The following ZMYM2 variants were observed in gnomAD, a reference collection of about 807,000 sequenced individuals.
The protein encoded by ZMYM2 is zinc finger MYM-type protein 2.
ZMYM2 carries 56 observed loss-of-function variants against 162.8 expected under a neutral mutation model. The ratio of observed to expected loss-of-function variants is 0.34; its 90% CI spans 0.28 to 0.43. ZMYM2 has a LOEUF of 0.43. Ranked by LOEUF, ZMYM2 falls within the 20% of genes least tolerant of loss-of-function variation. The pLI is 1.00. For missense variants in ZMYM2, 1,275 were observed against 1,621.8 expected (o/e 0.79, Z 3.67); for synonymous variants, 510 against 541.6 (o/e 0.94, Z 0.81).
Position 19,993,465 on chromosome 13 carries a change from A to G in ZMYM2, c.393A>G (p.Gln131=). The G allele has an allele frequency of 6.2e-7, 1 of 1,614,132 alleles. No homozygotes were observed. The highest frequency in any genetic ancestry group is 8.5e-7 in the Non-Finnish European group (1 of 1,179,984). ...DEEDMETNQG[Q]EKNSSNFIER... ...AGGACATGGAAACAAATCAAGGGCA[A>G]GAGAAAAATTCCTCCAATTTTATTG... The change falls in exon 3 of 25, where the codon CAA becomes CAG. Residue 131 remains glutamine, a synonymous_variant. Coordinates refer to ENST00000610343, the MANE Select transcript of ZMYM2 (RefSeq NM_197968.4).
At chr13:20,008,031 CTACAA>C (rs545661556) in intron 6 of ZMYM2, among the ~76,000 whole-genome samples, 9 of 152,096 alleles carry the variant, frequency 5.9e-5, no homozygotes, top group Non-Finnish European at 1.3e-4. Context: ...GGTGAGCAGA[CTACAA>C]TAAGATAATT....
At chr13:20,061,351 C>A in intron 17 of ZMYM2, 127 bp downstream of exon 17, 2 of 824,354 alleles carry the variant, frequency 2.4e-6, no homozygotes, top group Non-Finnish European at 1.6e-6. Flanking sequence ...AGCATTGTAA[C>A]AAAAATGTTT....
At chr13:19,964,256 A>G (rs1000719200) in intron 2 of ZMYM2, among the ~76,000 whole-genome samples, 2 of 152,176 alleles carry the variant, frequency 1.3e-5, no homozygotes, top group African/African-American at 4.8e-5. Context: ...GGCACCCGTC[A>G]TGCCAGCTAC....
the ZMYM2 span, among the ~76,000 whole-genome samples, chr13:19,947,905 A>G: frequency 1.3e-5 from 2 of 152,052 alleles, no homozygotes; most frequent in Non-Finnish European, 2.9e-5. Flanking sequence ...AGTTCTTTAC[A>G]GCATCTCTTC....
upstream of ZMYM2, among the ~76,000 whole-genome samples, chr13:19,956,159 A>C (rs1954511701): frequency 1.3e-5 from 2 of 152,206 alleles, no homozygotes; most frequent in South Asian, 4.1e-4. Flanking sequence ...CCACTTCTCC[A>C]GTTCTGGGCA....
At chr13:19,885,946 T>TGTGTATACACAC in the ZMYM2 span, among the ~76,000 whole-genome samples, 4 of 119,928 alleles carry the variant, frequency 3.3e-5, 1 homozygote, top group Admixed American at 7.7e-5. Flanking sequence ...CATATATATG[T>TGTGTATACACAC]ATATACACAT....
chr13:20,054,464 A>G (rs1955625890), intron 14 of ZMYM2, among the ~76,000 whole-genome samples: 1 of 152,210 alleles, frequency 6.6e-6, no homozygotes, highest in Non-Finnish European at 1.5e-5. Flanking sequence ...TGGGAGTGAT[A>G]AAAAGTCCTA....
chr13:19,879,987 G>A, the ZMYM2 span, among the ~76,000 whole-genome samples: 1 of 152,136 alleles, frequency 6.6e-6, no homozygotes. Context: ...TTTCCCTCCT[G>A]GGTCTGGGAC....
intron 2 of ZMYM2, among the ~76,000 whole-genome samples, chr13:19,974,086 C>A (rs1956572122): frequency 6.6e-6 from 1 of 152,120 alleles, no homozygotes; most frequent in African/African-American, 2.4e-5. Context: ...TTCAGTGAAA[C>A]CCTAATCAAA....
At chr13:20,077,487 T>G (rs1957589579) in intron 21 of ZMYM2, among the ~76,000 whole-genome samples, 1 of 150,696 alleles carries the variant, frequency 6.6e-6, no homozygotes, top group Non-Finnish European at 1.5e-5. Context: ...ATGCTCGTGT[T>G]GTATACAGAC....
chr13:19,880,030 T>A, the ZMYM2 span, among the ~76,000 whole-genome samples: 1 of 152,172 alleles, frequency 6.6e-6, no homozygotes, highest in Non-Finnish European at 1.5e-5. Context: ...AAATTGGAGC[T>A]CTTGGTCTTG....
chr13:19,982,552 A>G (rs1300182667), intron 2 of ZMYM2, among the ~76,000 whole-genome samples: 1 of 151,874 alleles, frequency 6.6e-6, no homozygotes, highest in Non-Finnish European at 1.5e-5. Context: ...CCTCCCAAAC[A>G]TTAGCTGCCC....
At chr13:19,896,335 G>T in the ZMYM2 span, among the ~76,000 whole-genome samples, 1 of 151,086 alleles carries the variant, frequency 6.6e-6, no homozygotes, top group Non-Finnish European at 1.5e-5. Flanking sequence ...GTAGAGACGG[G>T]GTTTCACTAT....
intron 10 of ZMYM2, among the ~76,000 whole-genome samples, chr13:20,033,388 A>G (rs1365111509): frequency 6.6e-6 from 1 of 152,094 alleles, no homozygotes; most frequent in Non-Finnish European, 1.5e-5. Flanking sequence ...CCCCTGGGAG[A>G]TTGAGAATTC....
the ZMYM2 span, among the ~76,000 whole-genome samples, chr13:19,874,082 T>C: frequency 6.6e-6 from 1 of 152,196 alleles, no homozygotes; most frequent in African/African-American, 2.4e-5. Flanking sequence ...GCTTTGGTTG[T>C]TGCCTCTCAA....
the ZMYM2 span, among the ~76,000 whole-genome samples, chr13:19,913,785 C>T: frequency 1.3e-5 from 2 of 152,164 alleles, no homozygotes; most frequent in African/African-American, 4.8e-5. Context: ...CAAACAAAAA[C>T]ACCAAGTAAC....
chr13:20,067,056 T>TA, intron 20 of ZMYM2, 37 bp downstream of exon 20: 1 of 1,532,384 alleles, frequency 6.5e-7, no homozygotes, highest in Non-Finnish European at 8.8e-7. Context: ...AAGTCCTATT[T>TA]AAAATCAAGA....
At chr13:20,052,777 C>T (rs747942501) in intron 14 of ZMYM2, among the ~76,000 whole-genome samples, 2 of 152,132 alleles carry the variant, frequency 1.3e-5, no homozygotes, top group Non-Finnish European at 2.9e-5. Flanking sequence ...GTACTAAGCA[C>T]GTGTATTTGG....
At chr13:20,018,994 C>T (rs571390161) in intron 6 of ZMYM2, among the ~76,000 whole-genome samples, 63 of 150,198 alleles carry the variant, frequency 4.2e-4, no homozygotes, top group Middle Eastern at 6.8e-3. Context: ...GTGGGAGAAT[C>T]GCTTGAACCC....
Sources: gnomAD v4.1 joint callset for allele counts (sites outside exome capture counted in the v4.1 genomes callset) on GRCh38, gnomAD v4.1.1 for gene constraint, MANE v1.5 for transcripts, NCBI Gene and HGNC (gene_info 2026-07-23, HGNC 2026-07-21) for gene names.